Variants in TRAPPC9 observed in about 807,000 individuals in gnomAD.
The protein encoded by TRAPPC9 is IKK2 binding protein.
In TRAPPC9, 83 loss-of-function variants were observed where a neutral mutation model predicts 124.0. The ratio of observed to expected loss-of-function variants is 0.67; its 90% CI spans 0.56 to 0.80. The LOEUF is 0.80. Among genes scored for constraint, TRAPPC9 ranks in the 30% least tolerant of loss-of-function variants. The pLI, the probability that TRAPPC9 is intolerant of heterozygous loss-of-function variation, is 0.00. For missense variants in TRAPPC9, 1,302 were observed against 1,508.3 expected (o/e 0.86, Z 2.27); for synonymous variants, 638 against 617.5 (o/e 1.03, Z -0.49).
intron 17 of TRAPPC9, among the ~76,000 whole-genome samples, chr8:140,088,785 C>G (rs1844373594): frequency 6.6e-6 from 1 of 152,154 alleles, no homozygotes; most frequent in South Asian, 2.1e-4. Flanking sequence ...ATTCCATAAA[C>G]TTCACTTCGA....
intron 17 of TRAPPC9, among the ~76,000 whole-genome samples, chr8:140,205,653 G>T (rs762422933): frequency 6.6e-6 from 1 of 152,200 alleles, no homozygotes; most frequent in African/African-American, 2.4e-5. Flanking sequence ...TACAGATGAG[G>T]AGGAGGAATC....
intron 17 of TRAPPC9, among the ~76,000 whole-genome samples, chr8:140,116,746 G>A (rs149684515): frequency 1.5e-3 from 224 of 152,286 alleles, no homozygotes; most frequent in African/African-American, 5.2e-3. Context: ...CTAGAGAGAA[G>A]AGATCTATGG....
intron 2 of TRAPPC9, among the ~76,000 whole-genome samples, chr8:140,446,248 C>G (rs976577353): frequency 6.7e-6 from 1 of 149,306 alleles, no homozygotes; most frequent in African/African-American, 2.5e-5. Context: ...GAGCCAGGAT[C>G]GCGCCACTGC....
intron 19 of TRAPPC9, among the ~76,000 whole-genome samples, chr8:139,974,875 T>C (rs2614720): frequency 0.87 from 132,757 of 151,998 alleles, 58,202 homozygotes; most frequent in East Asian, 0.99. Flanking sequence ...CCTCTCCGCC[T>C]TGTTCCCCAG....
At chr8:140,456,205 C>T (rs1278651161) in intron 1 of TRAPPC9, among the ~76,000 whole-genome samples, 1 of 152,014 alleles carries the variant, frequency 6.6e-6, no homozygotes, top group Non-Finnish European at 1.5e-5. Flanking sequence ...GTCAGGAGTT[C>T]GAGAGCAGCC....
At chr8:140,004,053 A>G (rs1838582261) in intron 18 of TRAPPC9, among the ~76,000 whole-genome samples, 3 of 152,258 alleles carry the variant, frequency 2.0e-5, no homozygotes, top group South Asian at 4.1e-4. Context: ...AGTGACACAG[A>G]CAGATCACAG....
chr8:140,455,981 G>A (rs185591652), intron 1 of TRAPPC9, among the ~76,000 whole-genome samples: 6 of 152,246 alleles, frequency 3.9e-5, no homozygotes, highest in South Asian at 2.1e-4. Context: ...TATATATATC[G>A]AAAGTAAACC....
chr8:140,367,018 C>A (rs576864781), intron 8 of TRAPPC9, among the ~76,000 whole-genome samples: 1 of 152,072 alleles, frequency 6.6e-6, no homozygotes, highest in Non-Finnish European at 1.5e-5. Context: ...AGTAAAGCAA[C>A]GAGATACCAC....
chr8:140,078,018 A>G (rs368971849), intron 17 of TRAPPC9, among the ~76,000 whole-genome samples: 2 of 152,212 alleles, frequency 1.3e-5, no homozygotes, highest in African/African-American at 2.4e-5. Context: ...AAAAACCAGT[A>G]ACACTAGTAG....
At chr8:139,813,176 A>G (rs960567740) in intron 21 of TRAPPC9, among the ~76,000 whole-genome samples, 1 of 152,232 alleles carries the variant, frequency 6.6e-6, no homozygotes, top group African/African-American at 2.4e-5. Flanking sequence ...TAGAACATAA[A>G]GAGGAGGCAA....
intron 17 of TRAPPC9, among the ~76,000 whole-genome samples, chr8:140,081,801 A>G (rs537750805): frequency 2.0e-5 from 3 of 152,284 alleles, no homozygotes; most frequent in African/African-American, 4.8e-5. Flanking sequence ...CTATTCTCTC[A>G]AGACAAGGCT....
intron 4 of TRAPPC9, among the ~76,000 whole-genome samples, chr8:140,429,152 G>A (rs965737701): frequency 6.6e-5 from 10 of 151,694 alleles, no homozygotes; most frequent in African/African-American, 2.4e-4. Context: ...CACAATCCTG[G>A]CTCACTGCAA....
At chr8:140,152,360 T>C (rs926893600) in intron 17 of TRAPPC9, among the ~76,000 whole-genome samples, 7 of 132,816 alleles carry the variant, frequency 5.3e-5, no homozygotes, top group African/African-American at 1.4e-4. Flanking sequence ...GCCATCTTTT[T>C]TTTTTTTTTT....
chr8:140,444,118 A>C (rs567434374), intron 2 of TRAPPC9, among the ~76,000 whole-genome samples: 1 of 151,276 alleles, frequency 6.6e-6, no homozygotes, highest in East Asian at 1.9e-4. Flanking sequence ...AGGCTGAGGC[A>C]AAAGAATTGC....
chr8:140,161,235 C>A (rs2061745881), intron 17 of TRAPPC9, among the ~76,000 whole-genome samples: 1 of 152,122 alleles, frequency 6.6e-6, no homozygotes, highest in Admixed American at 6.5e-5. Context: ...ACACAACACT[C>A]GAGGTAACTC....
intron 17 of TRAPPC9, among the ~76,000 whole-genome samples, chr8:140,045,435 G>A (rs1377699038): frequency 6.6e-6 from 1 of 151,974 alleles, no homozygotes; most frequent in Non-Finnish European, 1.5e-5. Flanking sequence ...AGACCATCCT[G>A]GCCAACATGG....
chr8:140,298,480 C>A (rs760263701), intron 11 of TRAPPC9, among the ~76,000 whole-genome samples: 9 of 152,126 alleles, frequency 5.9e-5, no homozygotes, highest in Middle Eastern at 3.2e-3. Flanking sequence ...TGGCAAAACT[C>A]CGTCTCTACA....
intron 5 of TRAPPC9, among the ~76,000 whole-genome samples, chr8:140,425,178 A>T (rs1245326798): frequency 6.6e-6 from 1 of 152,270 alleles, no homozygotes; most frequent in South Asian, 2.1e-4. Flanking sequence ...AAGGTCCCCA[A>T]GAGCAGAGGC....
chr8:140,223,199 T>C (rs1182939823), intron 16 of TRAPPC9, among the ~76,000 whole-genome samples: 2 of 152,110 alleles, frequency 1.3e-5, no homozygotes, highest in East Asian at 3.8e-4. Context: ...GGCCCCAGCG[T>C]GTGTTGTTCC....
Sources: allele counts gnomAD v4.1 joint callset (sites outside exome capture counted in the v4.1 genomes callset), GRCh38; gene constraint gnomAD v4.1.1; transcripts MANE v1.5; gene names NCBI Gene and HGNC (gene_info 2026-07-23, HGNC 2026-07-21).